Variants in HHAT observed in about 807,000 individuals in gnomAD.
The protein encoded by HHAT is protein-cysteine N-palmitoyltransferase HHAT.
HHAT carries 47 observed loss-of-function variants against 70.8 expected under a neutral mutation model. The ratio of observed to expected loss-of-function variants is 0.66; its 90% CI spans 0.53 to 0.85. The LOEUF (loss-of-function observed/expected upper bound fraction) is 0.85. HHAT is among the 40% of genes least tolerant of loss of function. The pLI, the probability that HHAT is intolerant of heterozygous loss-of-function variation, is 0.00. For missense variants in HHAT, 609 were observed against 604.8 expected, an observed-to-expected ratio of 1.01 and a Z score of -0.07; for synonymous variants, 228 against 247.6, an observed-to-expected ratio of 0.92 and a Z score of 0.74.
chr1:210,633,903 C>T (rs1671362224), intron 11 of HHAT, among the ~76,000 whole-genome samples: 1 of 152,172 alleles, frequency 6.6e-6, no homozygotes, highest in Non-Finnish European at 1.5e-5. Context: ...CAGCTGCTGA[C>T]CACTCTTGCC....
chr1:210,442,524 C>T (rs2093542887), intron 7 of HHAT, among the ~76,000 whole-genome samples: 2 of 151,056 alleles, frequency 1.3e-5, no homozygotes, highest in South Asian at 4.2e-4. Context: ...TGTTTCCTGA[C>T]TTTTTAATGA....
At chr1:210,661,644 A>T (rs965353957) in intron 11 of HHAT, among the ~76,000 whole-genome samples, 1 of 152,250 alleles carries the variant, frequency 6.6e-6, no homozygotes, top group African/African-American at 2.4e-5. Context: ...AAAACTTGGA[A>T]CCAACCCAAA....
intron 9 of HHAT, among the ~76,000 whole-genome samples, chr1:210,517,277 C>A (rs1394839093): frequency 6.6e-6 from 1 of 152,118 alleles, no homozygotes; most frequent in Non-Finnish European, 1.5e-5. Flanking sequence ...AGGCATTTTT[C>A]TTTTATTTTT....
intron 8 of HHAT, among the ~76,000 whole-genome samples, chr1:210,480,596 C>T (rs990328978): frequency 6.6e-6 from 1 of 152,188 alleles, no homozygotes; most frequent in African/African-American, 2.4e-5. Flanking sequence ...TTGGCACCCC[C>T]CATTTCTGTT....
At chr1:210,626,678 C>G (rs1035233982) in intron 11 of HHAT, among the ~76,000 whole-genome samples, 2 of 152,030 alleles carry the variant, frequency 1.3e-5, no homozygotes, top group South Asian at 4.1e-4. Context: ...TCCTGGAGAA[C>G]TCTGGATTTC....
intron 10 of HHAT, among the ~76,000 whole-genome samples, chr1:210,605,123 A>G (rs1665118390): frequency 6.6e-6 from 1 of 152,246 alleles, no homozygotes; most frequent in Admixed American, 6.5e-5. Flanking sequence ...CAAAGAGGAA[A>G]TGGTACCAGA....
At chr1:210,329,929 AG>A (rs1439460620) in intron 1 of HHAT, among the ~76,000 whole-genome samples, 1 of 152,154 alleles carries the variant, frequency 6.6e-6, no homozygotes, top group Non-Finnish European at 1.5e-5. Context: ...TATTTTTAGT[AG>A]AGACGAGGGT....
intron 9 of HHAT, among the ~76,000 whole-genome samples, chr1:210,513,843 G>A (rs1369129666): frequency 2.6e-5 from 4 of 152,124 alleles, no homozygotes; most frequent in African/African-American, 9.7e-5. Context: ...AATAATGATC[G>A]TTAAAATGCT....
intron 7 of HHAT, among the ~76,000 whole-genome samples, chr1:210,455,165 T>C (rs959775380): frequency 2.6e-5 from 4 of 152,148 alleles, no homozygotes; most frequent in Admixed American, 1.3e-4. Context: ...TTCCCGAGAT[T>C]GATGGTCCTT....
At chr1:210,372,766 G>A (rs76508136) in intron 3 of HHAT, among the ~76,000 whole-genome samples, 9,480 of 145,690 alleles carry the variant, frequency 0.065, 350 homozygotes, top group South Asian at 0.098. Flanking sequence ...TTGGGTGCTG[G>A]GCTCAAGGGA....
chr1:210,577,316 G>A (rs1208938809), intron 9 of HHAT, among the ~76,000 whole-genome samples: 2 of 152,134 alleles, frequency 1.3e-5, no homozygotes, highest in Non-Finnish European at 2.9e-5. Flanking sequence ...GCTGTGGCTT[G>A]TCATATATGG....
At chr1:210,535,057 C>A (rs1323014839) in intron 9 of HHAT, among the ~76,000 whole-genome samples, 5 of 152,082 alleles carry the variant, frequency 3.3e-5, no homozygotes, top group Admixed American at 6.6e-5. Context: ...TCCTGACCAG[C>A]CTCTGCTTTT....
At chr1:210,433,711 T>C (rs1404288075) in intron 7 of HHAT, among the ~76,000 whole-genome samples, 7 of 151,958 alleles carry the variant, frequency 4.6e-5, no homozygotes, top group Non-Finnish European at 1.0e-4. Flanking sequence ...GATATCAAAC[T>C]AAAATTTTCT....
chr1:210,428,794 T>G (rs2093155558), intron 7 of HHAT, among the ~76,000 whole-genome samples: 1 of 151,616 alleles, frequency 6.6e-6, no homozygotes, highest in Non-Finnish European at 1.5e-5. Flanking sequence ...CTGGGCAAGA[T>G]GGCAAAACCC....
At position 210,675,069 on chromosome 1, in the gene HHAT, G is replaced by A. The variant is rs1380812092; in HGVS notation, c.*690G>A. Reference sequence around the variant, plus strand: ...GAGATTTGCAGAGAAGTATAACATGGTAGTTCCTCTACCTTACAGTTAATC... The same window carrying A: ...GAGATTTGCAGAGAAGTATAACATGATAGTTCCTCTACCTTACAGTTAATC... On this transcript the variant is annotated 3_prime_UTR_variant, in exon 12 of 12. Coordinates refer to ENST00000261458, the MANE Select transcript of HHAT (RefSeq NM_018194.6). The A allele has an allele frequency of 6.6e-6, 1 of 152,204 alleles. No individual in the cohort carries two copies. Among genetic ancestry groups the A allele is most frequent in the Non-Finnish European group, 1.5e-5 (1 of 68,036 alleles). The allele number at this position is 152,204 out of a possible 1,614,324, so 9.4% of individuals were successfully genotyped here.
chr1:210,441,773 A>AATAT (rs150604202), intron 7 of HHAT, among the ~76,000 whole-genome samples: 3 of 152,106 alleles, frequency 2.0e-5, no homozygotes, highest in Non-Finnish European at 4.4e-5. Context: ...ACACACAATA[A>AATAT]ATATATATAT....
At chr1:210,368,907 G>A (rs1186324164) in intron 3 of HHAT, among the ~76,000 whole-genome samples, 3 of 151,968 alleles carry the variant, frequency 2.0e-5, no homozygotes, top group Non-Finnish European at 2.9e-5. Context: ...GTGAAACTCC[G>A]TCTCTACTAA....
chr1:210,499,406 G>T (rs1000996552), intron 8 of HHAT, among the ~76,000 whole-genome samples: 1 of 152,210 alleles, frequency 6.6e-6, no homozygotes, highest in African/African-American at 2.4e-5. Context: ...GGAGGCCAAA[G>T]TGGGCAGATC....
chr1:210,637,792 A>G (rs890083570), intron 11 of HHAT, among the ~76,000 whole-genome samples: 2 of 148,154 alleles, frequency 1.3e-5, no homozygotes, highest in Non-Finnish European at 3.0e-5. Flanking sequence ...CCCAGGAGGC[A>G]GAGGTTGCAG....
Sources: allele counts gnomAD v4.1 joint callset (sites outside exome capture counted in the v4.1 genomes callset), GRCh38; gene constraint gnomAD v4.1.1; transcripts MANE v1.5; gene names NCBI Gene and HGNC (gene_info 2026-07-23, HGNC 2026-07-21).